CFAP92: variants seen among roughly 807,000 people sequenced by gnomAD.
CFAP92 encodes uncharacterized protein CFAP92.
A neutral mutation model predicts 106.3 loss-of-function variants in CFAP92; 86 were observed. That is an observed-to-expected ratio of 0.81 (90% confidence interval 0.68 to 0.97). The LOEUF is 0.97. Ranked by LOEUF, CFAP92 falls within the 50% of genes least tolerant of loss-of-function variation. The pLI is 0.00. For missense variants in CFAP92, 1,204 were observed against 1,283.8 expected, an observed-to-expected ratio of 0.94 and a Z score of 0.95; for synonymous variants, 477 against 506.4, an observed-to-expected ratio of 0.94 and a Z score of 0.78.
chr3:128,953,528 GAA>G (rs1304871650), intron 9 of CFAP92, among the ~76,000 whole-genome samples: 2 of 145,284 alleles, frequency 1.4e-5, no homozygotes, highest in African/African-American at 5.6e-5. Flanking sequence ...AAAATAAAAA[GAA>G]AGAGGGATAA....
At chr3:129,026,293 C>T in the CFAP92 span, among the ~76,000 whole-genome samples, 3 of 152,286 alleles carry the variant, frequency 2.0e-5, no homozygotes, top group African/African-American at 4.8e-5. Flanking sequence ...TTTAAACAGG[C>T]CCCTGGGGGT....
chr3:128,939,471 TGACA>T (rs1939402096), intron 10 of CFAP92, among the ~76,000 whole-genome samples: 1 of 152,306 alleles, frequency 6.6e-6, no homozygotes, highest in South Asian at 2.1e-4. Context: ...ATAATTTACA[TGACA>T]GACAACTTAC....
chr3:128,993,496 G>A, intron 1 of CFAP92, 160 bp from the exon 2 acceptor site: 1 of 667,832 alleles, frequency 1.5e-6, no homozygotes. Flanking sequence ...CACACAGTCG[G>A]TACTCAATCG....
rs1936705112 is a variant in CFAP92, at chr3:128,915,181, A to G, written c.3218T>C (p.Leu1073Pro). Reference sequence around the variant, plus strand: ...GAGGAAAGGTGGTGGTTTCTTGTACAGATCAAAGTCCACGTGGTGCCTGTC... The same window carrying G: ...GAGGAAAGGTGGTGGTTTCTTGTACGGATCAAAGTCCACGTGGTGCCTGTC... ...SWDRHHVDFD[L>P]YKKPPPFLEL... The change falls in exon 15 of 16, where the codon CTG becomes CCG. Residue 1073 changes from leucine (L) to proline (P), a missense_variant. Transcript: ENST00000645291. 26 of 1,536,060 alleles carry G rather than the reference A, an allele frequency of 1.7e-5. No individual in the cohort carries two copies. Among genetic ancestry groups the G allele is most frequent in the Non-Finnish European group, 2.2e-5 (25 of 1,146,934 alleles).
At chr3:129,023,100 G>C in the CFAP92 span, among the ~76,000 whole-genome samples, 13 of 152,328 alleles carry the variant, frequency 8.5e-5, no homozygotes, top group African/African-American at 2.9e-4. Context: ...GAAAACTTTA[G>C]ACATATTAAA....
At chr3:128,950,626 A>C (rs1940686872) in intron 9 of CFAP92, among the ~76,000 whole-genome samples, 1 of 152,194 alleles carries the variant, frequency 6.6e-6, no homozygotes, top group African/African-American at 2.4e-5. Flanking sequence ...AAAGAGACAA[A>C]GCAAACAACA....
intron 5 of CFAP92, 134 bp downstream of exon 5, chr3:128,977,911 T>G (rs1576603305): frequency 2.4e-5 from 25 of 1,039,470 alleles, no homozygotes; most frequent in Non-Finnish European, 4.2e-6. Context: ...TGTGGCAGGG[T>G]GAGCCCCGCC....
At chr3:128,979,575 A>G (rs1454394316) in intron 4 of CFAP92, among the ~76,000 whole-genome samples, 1 of 152,216 alleles carries the variant, frequency 6.6e-6, no homozygotes, top group East Asian at 1.9e-4. Context: ...GGCTGGATTA[A>G]GAAAATGTGG....
At chr3:128,915,748 A>AAGCC (rs1345630578) in intron 13 of CFAP92, among the ~76,000 whole-genome samples, 185 bp from the exon 14 acceptor site, 7 of 152,266 alleles carry the variant, frequency 4.6e-5, no homozygotes, top group Middle Eastern at 3.4e-3. Context: ...TTGATGGGAG[A>AAGCC]AGCCGTTTCC....
chr3:129,018,932 C>T, the CFAP92 span, among the ~76,000 whole-genome samples: 1 of 152,206 alleles, frequency 6.6e-6, no homozygotes, highest in South Asian at 2.1e-4. Context: ...CTTTTCCCCT[C>T]TGCAAACTCC....
At chr3:129,002,354 A>G (rs1944828875) in intron 1 of CFAP92, 1 of 1,500,092 alleles carries the variant, frequency 6.7e-7, no homozygotes, top group Admixed American at 2.1e-5. Flanking sequence ...GGAGGGTGGT[A>G]ACGCCCGGGA....
upstream of CFAP92, among the ~76,000 whole-genome samples, chr3:129,005,854 A>G (rs931581518): frequency 2.6e-5 from 4 of 152,274 alleles, no homozygotes; most frequent in Non-Finnish European, 5.9e-5. Context: ...ATGGCTAAAG[A>G]GCAGGGCTGG....
rs138081266 is a variant in CFAP92 at position 128,982,222 on chromosome 3, C to A, written c.668-4037G>T. Among the ~76,000 whole-genome samples the A allele has an allele frequency of 2.0e-4, 30 of 152,378 alleles. No individual in the cohort carries two copies. In the East Asian group the frequency reaches 5.6e-3, roughly 28 times the overall value. On this transcript the variant is annotated intron_variant, in intron 4 of 15. Transcript: ENST00000645291. The stretch of plus-strand genomic sequence containing the variant: ...CCTTCATCAGTGATCTTAGCTAGAT[C>A]TCCTAAACAACTTGCTGCAGCTTCT...
intron 15 of CFAP92, among the ~76,000 whole-genome samples, chr3:128,912,303 G>A (rs113764236): frequency 1.3e-5 from 2 of 152,174 alleles, no homozygotes; most frequent in African/African-American, 2.4e-5. Flanking sequence ...AGCAGGATGA[G>A]TCCTTTGTAA....
intron 9 of CFAP92, among the ~76,000 whole-genome samples, chr3:128,954,936 C>T (rs1282112821): frequency 3.0e-5 from 1 of 33,306 alleles, no homozygotes; most frequent in South Asian, 1.3e-3. Context: ...GCCCCCCGCC[C>T]GGCCAGCCGC....
At chr3:129,016,079 A>C in the CFAP92 span, among the ~76,000 whole-genome samples, 1 of 152,200 alleles carries the variant, frequency 6.6e-6, no homozygotes, top group Non-Finnish European at 1.5e-5. Flanking sequence ...TTTTTCATCT[A>C]TTCCAGAATA....
At chr3:129,020,448 G>T in the CFAP92 span, among the ~76,000 whole-genome samples, 1 of 152,056 alleles carries the variant, frequency 6.6e-6, no homozygotes, top group African/African-American at 2.4e-5. Context: ...ATCAACCTGG[G>T]CAACATAGTG....
At chr3:129,002,342 A>G in intron 1 of CFAP92, 1 of 1,511,996 alleles carries the variant, frequency 6.6e-7, no homozygotes, top group Admixed American at 2.1e-5. Flanking sequence ...CCGGCCACGA[A>G]GGGAGGGTGG....
At chr3:129,014,953 C>G in the CFAP92 span, among the ~76,000 whole-genome samples, 1 of 152,154 alleles carries the variant, frequency 6.6e-6, no homozygotes, top group South Asian at 2.1e-4. The surrounding 1 kb of genome is among the most constrained non-coding windows in gnomAD (Gnocchi z 4.3). Context: ...CCACCTGCTA[C>G]TCTCCAGTCG....
Sources: allele counts gnomAD v4.1 joint callset (sites outside exome capture counted in the v4.1 genomes callset), GRCh38; gene constraint gnomAD v4.1.1; non-coding constraint Gnocchi (gnomAD v3.1); transcripts MANE v1.5; gene names NCBI Gene and HGNC (gene_info 2026-07-23, HGNC 2026-07-21).